ZNF407: variants seen among roughly 807,000 people sequenced by gnomAD.
ZNF407 encodes the protein zinc finger protein 407.
ZNF407 carries 17 observed loss-of-function variants against 131.2 expected under a neutral mutation model. The observed-to-expected ratio is 0.13, with a 90% CI of 0.09 to 0.19. ZNF407 has a LOEUF of 0.19. Among genes scored for constraint, ZNF407 ranks in the 10% least tolerant of loss-of-function variants. ZNF407 has a pLI of 1.00. For synonymous variants in ZNF407, 1,156 were observed against 1,062.0 expected, an observed-to-expected ratio of 1.09 and a Z score of -1.72; for missense variants, 2,681 against 2,830.6, an observed-to-expected ratio of 0.95 and a Z score of 1.20.
At chr18:74,729,396 A>AT (rs1211867312) in intron 3 of ZNF407, among the ~76,000 whole-genome samples, 3 of 151,956 alleles carry the variant, frequency 2.0e-5, no homozygotes, top group Admixed American at 6.6e-5. Flanking sequence ...TTGTCCATTG[A>AT]TTTTTTAATA....
chr18:74,663,037 C>T (rs1399799356), intron 3 of ZNF407, among the ~76,000 whole-genome samples: 2 of 152,180 alleles, frequency 1.3e-5, no homozygotes, highest in Non-Finnish European at 2.9e-5. Flanking sequence ...TTGAGATACA[C>T]AAGGTGGAAG....
chr18:74,765,594 C>G (rs574044342), intron 3 of ZNF407, among the ~76,000 whole-genome samples: 10 of 152,302 alleles, frequency 6.6e-5, no homozygotes, highest in African/African-American at 1.7e-4. Context: ...AGCCCAAACA[C>G]TATTTTTTTC....
chr18:74,751,367 T>C (rs1012334929), intron 3 of ZNF407, among the ~76,000 whole-genome samples: 1 of 152,200 alleles, frequency 6.6e-6, no homozygotes, highest in Non-Finnish European at 1.5e-5. Flanking sequence ...TATTCTTTTT[T>C]TTAAAATTTA....
chr18:74,805,970 A>G (rs969691961), intron 4 of ZNF407, among the ~76,000 whole-genome samples: 2 of 152,290 alleles, frequency 1.3e-5, no homozygotes, highest in Admixed American at 6.5e-5. Context: ...AGACTTTACT[A>G]TTTCCAATAC....
chr18:75,064,331 G>A lies in ZNF407; in HGVS notation c.6610G>A (p.Ala2204Thr). The A allele has an allele frequency of 6.3e-7, 1 of 1,594,836 alleles. No individual in the cohort carries two copies. The highest frequency in any genetic ancestry group is 8.5e-7 in the Non-Finnish European group (1 of 1,171,574). Residue 2204 changes from alanine (A) to threonine (T), a missense_variant, in exon 9 of 9, where the codon GCC (alanine) becomes ACC (threonine). By Grantham distance (58) the Ala-to-Thr change is moderately conservative. Around this residue, in one of 6 missense-constraint regions of ZNF407, gnomAD observed 620 missense variants for 583.1 expected, o/e 1.06. Coordinates refer to ENST00000299687, the MANE Select transcript of ZNF407 (RefSeq NM_017757.3). ...ADSQELLQAG[A>T]TLGTEAGAPS... is the part of the protein sequence containing the mutation. Reference sequence around the variant, plus strand: ...CTCGCAGGAACTCCTGCAGGCCGGGGCCACGCTAGGCACAGAGGCCGGGGC... The same window carrying A: ...CTCGCAGGAACTCCTGCAGGCCGGGACCACGCTAGGCACAGAGGCCGGGGC...
chr18:74,670,311 T>G (rs1986092297), intron 3 of ZNF407, among the ~76,000 whole-genome samples: 2 of 152,176 alleles, frequency 1.3e-5, no homozygotes, highest in Non-Finnish European at 2.9e-5. Context: ...ATTATTTTCT[T>G]AAAAAATTGG....
intron 4 of ZNF407, among the ~76,000 whole-genome samples, chr18:74,818,698 A>C (rs1002475222): frequency 6.6e-6 from 1 of 152,244 alleles, no homozygotes; most frequent in Admixed American, 6.5e-5. Flanking sequence ...GCACAGAGAA[A>C]TATCACACAT....
intron 7 of ZNF407, among the ~76,000 whole-genome samples, chr18:74,910,254 T>C (rs1971650875): frequency 6.6e-6 from 1 of 152,080 alleles, no homozygotes; most frequent in Admixed American, 6.6e-5. Context: ...TAAACATGAG[T>C]TGTAAAAGCA....
chr18:74,668,207 G>A (rs144349108), intron 3 of ZNF407, among the ~76,000 whole-genome samples: 207 of 152,226 alleles, frequency 1.4e-3, no homozygotes, highest in African/African-American at 4.8e-3. Context: ...ACTTTGTTTC[G>A]TGCCCAAATT....
chr18:74,715,631 TGCTCGAG>T (rs968285342), intron 3 of ZNF407, among the ~76,000 whole-genome samples: 2 of 152,200 alleles, frequency 1.3e-5, no homozygotes, highest in Non-Finnish European at 2.9e-5. Context: ...TTGAACTACA[TGCTCGAG>T]GGTTACCCAT....
intron 4 of ZNF407, among the ~76,000 whole-genome samples, chr18:74,837,879 C>T (rs2145126998): frequency 6.6e-6 from 1 of 152,262 alleles, no homozygotes; most frequent in Non-Finnish European, 1.5e-5. Flanking sequence ...ATCTTGAACT[C>T]CTGAGCTCAA....
intron 7 of ZNF407, among the ~76,000 whole-genome samples, chr18:74,892,279 G>T (rs1971396081): frequency 6.6e-6 from 1 of 152,196 alleles, no homozygotes; most frequent in African/African-American, 2.4e-5. Context: ...TGCAAGCCAT[G>T]TGGAGAACCT....
chr18:74,824,564 A>G (rs1425671743), intron 4 of ZNF407, among the ~76,000 whole-genome samples: 5 of 152,246 alleles, frequency 3.3e-5, no homozygotes, highest in Admixed American at 6.5e-5. Context: ...ACAAACTACC[A>G]TCAGAGAATA....
At chr18:74,672,580 C>T (rs1465117905) in intron 3 of ZNF407, among the ~76,000 whole-genome samples, 1 of 150,850 alleles carries the variant, frequency 6.6e-6, no homozygotes, top group Admixed American at 6.6e-5. Flanking sequence ...TTCATTGGAG[C>T]ACTGTTTGTC....
chr18:74,916,552 A>AGTGTGT (rs372779801), intron 7 of ZNF407, among the ~76,000 whole-genome samples: 1 of 57,332 alleles, frequency 1.7e-5, no homozygotes, highest in African/African-American at 6.5e-5. Flanking sequence ...TCGAATCGGG[A>AGTGTGT]GTGTGTGTGT....
chr18:74,764,454 G>A (rs1370017272), intron 3 of ZNF407, among the ~76,000 whole-genome samples: 1 of 152,026 alleles, frequency 6.6e-6, no homozygotes, highest in Non-Finnish European at 1.5e-5. Context: ...CTCTACAGTC[G>A]ATCCTCTGTA....
Position 74,631,156 on chromosome 18 carries a change from A to G in ZNF407, c.137A>G (p.Asn46Ser), listed in dbSNP as rs1189649078. 1 of 1,613,996 alleles carries G rather than the reference A, an allele frequency of 6.2e-7. No individual in the cohort carries two copies. The highest frequency in any genetic ancestry group is 1.1e-5 in the South Asian group (1 of 91,088). Residue 46 changes from asparagine to serine, a missense_variant, in exon 2 of 9, where the codon AAT becomes AGT. This residue lies in a region of ZNF407 where 1,789 missense variants were observed against 1,748.7 expected (regional missense o/e 1.02). Coordinates refer to ENST00000299687, the MANE Select transcript of ZNF407 (RefSeq NM_017757.3). ...VSDVIASFPE[N>S]SMGKRGFSES... is the part of the protein sequence containing the mutation. ...GATGTGATAGCAAGTTTCCCTGAGA[A>G]TTCTATGGGCAAAAGAGGTTTTTCA...
chr18:74,710,917 T>C (rs1967744391), intron 3 of ZNF407, among the ~76,000 whole-genome samples: 1 of 152,224 alleles, frequency 6.6e-6, no homozygotes, highest in Admixed American at 6.5e-5. Flanking sequence ...GGCTGAGCTA[T>C]TTCTCTAATG....
chr18:74,724,513 C>T (rs1385120926), intron 3 of ZNF407, among the ~76,000 whole-genome samples: 4 of 152,282 alleles, frequency 2.6e-5, no homozygotes, highest in African/African-American at 9.6e-5. Flanking sequence ...CTTTTCTGCT[C>T]TCTACTTCCA....
Sources: gnomAD v4.1 joint callset for allele counts (sites outside exome capture counted in the v4.1 genomes callset) on GRCh38, gnomAD v4.1.1 for gene constraint, gnomAD v4.1.1 regional missense constraint, MANE v1.5 for transcripts, NCBI Gene and HGNC (gene_info 2026-07-23, HGNC 2026-07-21) for gene names.